The following ZNF385D variants were observed in gnomAD, a reference collection of about 807,000 sequenced individuals.
ZNF385D encodes the protein zinc finger protein 659.
Under a neutral mutation model 35.8 loss-of-function variants are expected in ZNF385D, and 15 were observed. That is an observed-to-expected ratio of 0.42 (90% CI 0.28 to 0.64). The LOEUF is 0.64. Ranked by LOEUF, ZNF385D falls within the 30% of genes least tolerant of loss-of-function variation. The probability of loss-of-function intolerance (pLI) is 0.23; values close to 1 mark genes in which losing one functional copy is unlikely to be tolerated. For synonymous variants in ZNF385D, 212 were observed against 186.8 expected (o/e 1.13, Z -1.10); for missense variants, 474 against 494.6 (o/e 0.96, Z 0.39).
At chr3:21,929,136 T>C (rs1205090276) in intron 3 of ZNF385D, among the ~76,000 whole-genome samples, 13 of 152,048 alleles carry the variant, frequency 8.5e-5, no homozygotes, top group Admixed American at 8.5e-4. Context: ...CATAGCCAAA[T>C]TGGATATAGT....
chr3:21,834,637 G>T (rs2673530), intron 3 of ZNF385D, among the ~76,000 whole-genome samples: 135,629 of 152,172 alleles, frequency 0.89, 60,695 homozygotes, highest in African/African-American at 0.96. Flanking sequence ...AGGACAATTT[G>T]TATTCATCTT....
At chr3:21,455,828 G>T (rs540274774) in intron 4 of ZNF385D, among the ~76,000 whole-genome samples, 2 of 152,030 alleles carry the variant, frequency 1.3e-5, no homozygotes, top group South Asian at 2.1e-4. Flanking sequence ...AAAAATTTTC[G>T]CAATCTACTC....
intron 2 of ZNF385D, among the ~76,000 whole-genome samples, chr3:22,336,924 A>AAAAAC (rs1559527464): frequency 1.4e-5 from 2 of 145,988 alleles, no homozygotes; most frequent in Non-Finnish European, 3.0e-5. Context: ...AAAAAAAAAA[A>AAAAAC]AAAAAAAAAA....
At chr3:22,133,496 T>C (rs1299843013) in intron 3 of ZNF385D, 1 of 152,094 alleles carries the variant, frequency 6.6e-6, no homozygotes, top group East Asian at 1.9e-4. Context: ...GAATACAGCA[T>C]TATAATCACA....
At chr3:21,875,051 A>T (rs1575818235) in intron 3 of ZNF385D, among the ~76,000 whole-genome samples, 1 of 151,934 alleles carries the variant, frequency 6.6e-6, no homozygotes, top group South Asian at 2.1e-4. Flanking sequence ...AGGGTTATTC[A>T]TTGTTTAGTG....
At chr3:22,050,709 G>A (rs552871577) in intron 3 of ZNF385D, among the ~76,000 whole-genome samples, 16 of 152,144 alleles carry the variant, frequency 1.1e-4, no homozygotes, top group South Asian at 4.1e-4. Context: ...TAATTTCTCC[G>A]ATTTTATCTG....
chr3:22,120,043 T>TA (rs1273175101), intron 3 of ZNF385D, among the ~76,000 whole-genome samples: 1 of 151,276 alleles, frequency 6.6e-6, no homozygotes, highest in African/African-American at 2.4e-5. Flanking sequence ...TTGACCAGAT[T>TA]AGTCTTGAAG....
chr3:21,841,127 T>C (rs140447728), intron 3 of ZNF385D, among the ~76,000 whole-genome samples: 1 of 152,202 alleles, frequency 6.6e-6, no homozygotes, highest in African/African-American at 2.4e-5. Flanking sequence ...AGAGCAATGA[T>C]GGCACCTACT....
chr3:21,973,804 C>A (rs1703422971), intron 3 of ZNF385D, among the ~76,000 whole-genome samples: 1 of 151,458 alleles, frequency 6.6e-6, no homozygotes, highest in Admixed American at 6.6e-5. Flanking sequence ...AAAAACATAT[C>A]AAAAAACTAA....
At chr3:21,912,652 T>C (rs548556306) in intron 3 of ZNF385D, among the ~76,000 whole-genome samples, 4 of 152,184 alleles carry the variant, frequency 2.6e-5, no homozygotes, top group South Asian at 4.1e-4. Flanking sequence ...GGATTGTATA[T>C]ATCCAGTGGC....
chr3:21,909,093 AGC>A, intron 3 of ZNF385D, among the ~76,000 whole-genome samples: 1 of 152,196 alleles, frequency 6.6e-6, no homozygotes, highest in Non-Finnish European at 1.5e-5. Flanking sequence ...GTTCATTGAT[AGC>A]ACTAGGGTTG....
chr3:21,419,151 T>C lies in ZNF385D; in HGVS notation c.*2063A>G, dbSNP rs1339785722. 3 of 153,764 alleles carry C rather than the reference T, an allele frequency of 2.0e-5. No individual in the cohort carries two copies. The South Asian group carries it at 6.2e-4, about 32-fold the overall frequency. 9.5% of individuals were successfully genotyped at this position (153,764 alleles called of 1,614,324 possible). ...TCTTCCTTTCTTCCTTCCTTCCTTT[T>C]CTTCCCTTCCCCATCTCCTTTCCTT... On this transcript the variant is annotated 3_prime_UTR_variant, in exon 8 of 8. Transcript: ENST00000281523.
At chr3:21,710,498 A>T (rs544043443) in intron 1 of ZNF385D, among the ~76,000 whole-genome samples, 1 of 152,130 alleles carries the variant, frequency 6.6e-6, no homozygotes, top group East Asian at 1.9e-4. Flanking sequence ...ATAATCCTCC[A>T]TAACCTGAGA....
At chr3:21,619,413 CGTGTGTGTGTGTGTGTGTGTGTGT>C (rs10594035) in intron 2 of ZNF385D, among the ~76,000 whole-genome samples, 1 of 147,856 alleles carries the variant, frequency 6.8e-6, no homozygotes, top group South Asian at 2.2e-4. Flanking sequence ...CGTGTGTGTG[CGTGTGTGTGTGTGTGTGTGTGTGT>C]GTCTATGCAT....
intron 4 of ZNF385D, among the ~76,000 whole-genome samples, chr3:21,455,683 G>A (rs1318846147): frequency 1.3e-5 from 2 of 152,094 alleles, no homozygotes; most frequent in Non-Finnish European, 2.9e-5. Flanking sequence ...TGGGGGGCAA[G>A]GACTTCCTGT....
intron 2 of ZNF385D, among the ~76,000 whole-genome samples, chr3:22,185,042 A>T (rs908186484): frequency 6.6e-5 from 10 of 152,096 alleles, no homozygotes; most frequent in Non-Finnish European, 1.2e-4. Flanking sequence ...AAATCAGGAG[A>T]TACCTTGCTG....
intron 2 of ZNF385D, among the ~76,000 whole-genome samples, chr3:22,231,615 A>G (rs138774750): frequency 3.0e-4 from 46 of 152,058 alleles, no homozygotes; most frequent in Non-Finnish European, 4.7e-4. Flanking sequence ...TCCTTATTCA[A>G]TGCTATGAGA....
intron 3 of ZNF385D, among the ~76,000 whole-genome samples, chr3:21,812,531 G>A (rs1004758473): frequency 2.6e-5 from 4 of 152,206 alleles, no homozygotes; most frequent in Non-Finnish European, 4.4e-5. Flanking sequence ...TTAGCAAATG[G>A]CACACCAGGA....
At chr3:21,904,661 G>A (rs1027271747) in intron 3 of ZNF385D, among the ~76,000 whole-genome samples, 5 of 152,064 alleles carry the variant, frequency 3.3e-5, no homozygotes, top group African/African-American at 4.8e-5. Context: ...AGCAAATCAC[G>A]GAGCAGAAGC....
Sources: gnomAD v4.1 joint callset for allele counts (sites outside exome capture counted in the v4.1 genomes callset) on GRCh38, gnomAD v4.1.1 for gene constraint, MANE v1.5 for transcripts, NCBI Gene and HGNC (gene_info 2026-07-23, HGNC 2026-07-21) for gene names.